The following SRRM4 variants were observed in gnomAD, a reference collection of about 807,000 sequenced individuals.
SRRM4 encodes serine/arginine repetitive matrix 4.
SRRM4 carries 33 observed loss-of-function variants against 68.9 expected under a neutral mutation model. The ratio of observed to expected loss-of-function variants is 0.48; its 90% CI spans 0.36 to 0.64. The LOEUF is 0.64. Among genes scored for constraint, SRRM4 ranks in the 30% least tolerant of loss-of-function variants. The pLI is 0.00. For synonymous variants in SRRM4, 318 were observed against 318.8 expected, an observed-to-expected ratio of 1.00 and a Z score of 0.03; for missense variants, 817 against 827.1, an observed-to-expected ratio of 0.99 and a Z score of 0.15.
At chr12:119,051,216 G>A (rs1953740354) in intron 1 of SRRM4, among the ~76,000 whole-genome samples, 1 of 152,182 alleles carries the variant, frequency 6.6e-6, no homozygotes, top group South Asian at 2.1e-4. Flanking sequence ...CAGCCTCCAG[G>A]AGAGCCCAAA....
At chr12:119,015,752 A>G (rs1000868308) in intron 1 of SRRM4, among the ~76,000 whole-genome samples, 1 of 152,042 alleles carries the variant, frequency 6.6e-6, no homozygotes, top group Non-Finnish European at 1.5e-5. Context: ...AATTCCTCAG[A>G]CACACTATCC....
chr12:119,068,426 C>T (rs1273125037), intron 1 of SRRM4, among the ~76,000 whole-genome samples: 1 of 152,200 alleles, frequency 6.6e-6, no homozygotes, highest in Non-Finnish European at 1.5e-5. Flanking sequence ...CTGCTTCTGC[C>T]ACCAGCCTAA....
In SRRM4 at chr12:119,125,369, C is replaced by T. The variant is rs766204943; in HGVS notation, c.516-12C>T. The T allele has an allele frequency of 6.2e-7, 1 of 1,610,106 alleles. No homozygotes were observed. Among genetic ancestry groups the T allele is most frequent in the Non-Finnish European group, 8.5e-7 (1 of 1,177,418 alleles). On this transcript the variant is annotated splice_polypyrimidine_tract_variant and intron_variant, in intron 6 of 12. Coordinates refer to ENST00000267260, the MANE Select transcript of SRRM4 (RefSeq NM_194286.4). ...TCCTCTCCTCTGACTCGTTCCTTCT[C>T]ATCCCCCCAAGATCTCGAAGCCGGC...
At chr12:119,055,278 G>A (rs1016408514) in intron 1 of SRRM4, among the ~76,000 whole-genome samples, 2 of 152,036 alleles carry the variant, frequency 1.3e-5, no homozygotes, top group Non-Finnish European at 2.9e-5. Flanking sequence ...AACTCTAGTG[G>A]GTCTCAGTGT....
At chr12:119,139,769 A>G (rs1232820530) in intron 8 of SRRM4, among the ~76,000 whole-genome samples, 2 of 152,214 alleles carry the variant, frequency 1.3e-5, no homozygotes, top group Non-Finnish European at 2.9e-5. Context: ...CTGAATACAG[A>G]TGCAGGACTG....
chr12:119,079,850 T>G (rs1565903831), intron 1 of SRRM4, among the ~76,000 whole-genome samples: 1 of 151,644 alleles, frequency 6.6e-6, no homozygotes, highest in African/African-American at 2.4e-5. Flanking sequence ...GCCTCTCATT[T>G]CAGATATACA....
intron 1 of SRRM4, among the ~76,000 whole-genome samples, chr12:119,096,004 C>G (rs1157981783): frequency 6.7e-6 from 1 of 149,710 alleles, no homozygotes; most frequent in Admixed American, 6.7e-5. Flanking sequence ...AGTCTTCTCC[C>G]TTTTGTTCTC....
intron 1 of SRRM4, among the ~76,000 whole-genome samples, chr12:119,064,621 A>AT (rs1207873706): frequency 1.3e-5 from 2 of 152,064 alleles, no homozygotes; most frequent in Non-Finnish European, 2.9e-5. Flanking sequence ...ACTTAACCTC[A>AT]TTTTCCTCTT....
At chr12:119,057,808 AT>A (rs1483367130) in intron 1 of SRRM4, among the ~76,000 whole-genome samples, 1 of 152,218 alleles carries the variant, frequency 6.6e-6, no homozygotes, top group Non-Finnish European at 1.5e-5. Flanking sequence ...TTACACTCTC[AT>A]CAGCAATGTA....
chr12:119,080,395 G>A (rs1230712469), intron 1 of SRRM4, among the ~76,000 whole-genome samples: 3 of 152,046 alleles, frequency 2.0e-5, no homozygotes, highest in Non-Finnish European at 4.4e-5. Flanking sequence ...TAGAATATAA[G>A]TACTAAGGTA....
intron 1 of SRRM4, among the ~76,000 whole-genome samples, chr12:119,018,052 G>A (rs745904007): frequency 1.3e-5 from 2 of 152,224 alleles, no homozygotes; most frequent in South Asian, 2.1e-4. Context: ...GCTTGACACA[G>A]AGTTGTTGTC....
rs1190719726 is a variant in SRRM4, at chr12:119,114,323, A to C, written c.324A>C (p.Gly108=). The C allele has an allele frequency of 1.2e-6, 2 of 1,610,952 alleles. No individual in the cohort carries two copies. Among genetic ancestry groups the C allele is most frequent in the East Asian group, 2.2e-5 (1 of 44,854 alleles). ...TGACACCACCACCTTCCTCCAGGGG[A>C]AAGAAGAAAAAGAAGAAATCCACTC... ...KDLTPPPSSR[G]KKKKKKSTRK... The change falls in exon 3 of 13, where the codon GGA becomes GGC. Residue 108 remains glycine, a synonymous_variant. Transcript: ENST00000267260.
At chr12:119,139,096 T>G (rs1398648613) in intron 8 of SRRM4, among the ~76,000 whole-genome samples, 1 of 152,048 alleles carries the variant, frequency 6.6e-6, no homozygotes, top group African/African-American at 2.4e-5. Flanking sequence ...CAAAGATGAA[T>G]TATGAGAGGC....
rs552135553 is a variant in SRRM4 at position 119,136,195 on chromosome 12, G to A, written c.771+5361G>A. ...GCTGAATCCATCCAAGATCGCAGGT[G>A]AACTTCACAACAACCCCAGGAGAAA... is the stretch of plus-strand genomic sequence containing the variant. On this transcript the variant is annotated intron_variant, in intron 8 of 12. Coordinates refer to ENST00000267260, the MANE Select transcript of SRRM4 (RefSeq NM_194286.4). 7.9e-5 allele frequency among the ~76,000 whole-genome samples: 12 copies of A among 152,318 alleles called. 1 individual carries two copies. The East Asian group carries it at 2.1e-3, about 27-fold the overall frequency.
chr12:119,027,821 G>T (rs1488081121), intron 1 of SRRM4, among the ~76,000 whole-genome samples: 4 of 152,106 alleles, frequency 2.6e-5, no homozygotes, highest in African/African-American at 9.7e-5. Flanking sequence ...CCACAAAGCT[G>T]GTATAAATGG....
rs148053671 is a variant in SRRM4 at position 119,116,355 on chromosome 12, C to T, written c.366-582C>T. On this transcript the variant is annotated intron_variant, in intron 3 of 12. Coordinates refer to ENST00000267260, the MANE Select transcript of SRRM4 (RefSeq NM_194286.4). Reference sequence around the variant, plus strand: ...ACTTTGATGGCACTATCCGTGCAGCCGCAGCCTGGCAAGATATCCTTCAGG... The same window carrying T: ...ACTTTGATGGCACTATCCGTGCAGCTGCAGCCTGGCAAGATATCCTTCAGG... Among the ~76,000 whole-genome samples the T allele has an allele frequency of 6.6e-5, 10 of 152,244 alleles. No homozygotes were observed. In the East Asian group the frequency reaches 1.2e-3, roughly 18 times the overall value.
intron 1 of SRRM4, among the ~76,000 whole-genome samples, chr12:119,057,810 C>G (rs1953786671): frequency 6.6e-6 from 1 of 152,226 alleles, no homozygotes; most frequent in Non-Finnish European, 1.5e-5. Context: ...ACACTCTCAT[C>G]AGCAATGTAA....
intron 1 of SRRM4, among the ~76,000 whole-genome samples, chr12:119,067,603 G>T (rs1381622648): frequency 6.6e-6 from 1 of 152,168 alleles, no homozygotes; most frequent in African/African-American, 2.4e-5. Context: ...AGCTACTCGG[G>T]AGGTTCAGGC....
chr12:119,009,020 G>A (rs1188693973), intron 1 of SRRM4, among the ~76,000 whole-genome samples: 2 of 151,790 alleles, frequency 1.3e-5, no homozygotes, highest in Non-Finnish European at 2.9e-5. Flanking sequence ...CAAAGGGGTG[G>A]GGTAAGACCG....
Sources: gnomAD v4.1 joint callset for allele counts (sites outside exome capture counted in the v4.1 genomes callset) on GRCh38, gnomAD v4.1.1 for gene constraint, MANE v1.5 for transcripts, NCBI Gene and HGNC (gene_info 2026-07-23, HGNC 2026-07-21) for gene names.